The following SYT16 variants were observed in gnomAD, a reference collection of about 807,000 sequenced individuals.
The protein encoded by SYT16 is synaptotagmin 16.
Under a neutral mutation model 61.4 loss-of-function variants are expected in SYT16, and 42 were observed. The ratio of observed to expected loss-of-function variants is 0.68; its 90% CI spans 0.53 to 0.89. SYT16 has a LOEUF of 0.89. Ranked by LOEUF, SYT16 falls within the 40% of genes least tolerant of loss-of-function variation. The pLI is 0.00. For synonymous variants in SYT16, 314 were observed against 302.3 expected (o/e 1.04, Z -0.40); for missense variants, 804 against 807.3 (o/e 1.00, Z 0.05).
intron 7 of SYT16, 80 bp downstream of exon 7, chr14:62,084,465 T>C: frequency 6.9e-7 from 1 of 1,441,832 alleles, no homozygotes; most frequent in Non-Finnish European, 9.3e-7. Context: ...CTTAGTTCTT[T>C]AATTTTTACC....
In SYT16 at chr14:61,900,638, C is replaced by T. The variant is rs570177220; in HGVS notation, c.-324-69494C>T. ...GAGGGCCTGCAGGAGAGAGAAGCAG[C>T]TCCGAAAGGGCAGGGATTAGGTAGC... is the stretch of plus-strand genomic sequence containing the variant. On this transcript the variant is annotated intron_variant, in intron 1 of 7. Coordinates refer to ENST00000683842, the MANE Select transcript of SYT16 (RefSeq NM_001367656.1). Among the ~76,000 whole-genome samples the T allele has an allele frequency of 9.2e-5, 14 of 152,214 alleles. No individual in the cohort carries two copies. The East Asian group carries it at 1.5e-3, about 17-fold the overall frequency.
intron 1 of SYT16, among the ~76,000 whole-genome samples, chr14:61,907,792 G>A (rs1277271302): frequency 1.3e-5 from 2 of 152,220 alleles, no homozygotes; most frequent in Non-Finnish European, 1.5e-5. Flanking sequence ...AAGGGTGTGA[G>A]CCCCAGGGGG....
At chr14:62,029,350 G>C (rs2140796426) in intron 3 of SYT16, among the ~76,000 whole-genome samples, 1 of 152,332 alleles carries the variant, frequency 6.6e-6, no homozygotes, top group East Asian at 1.9e-4. Context: ...AAAGGAGATA[G>C]AAAGAGCATC....
chr14:62,017,183 C>T (rs1159958429), intron 3 of SYT16, among the ~76,000 whole-genome samples: 1 of 152,166 alleles, frequency 6.6e-6, no homozygotes, highest in Non-Finnish European at 1.5e-5. Context: ...ATTAATAATT[C>T]TTTAGAGATC....
chr14:62,066,024 T>G (rs1437229864), intron 3 of SYT16, among the ~76,000 whole-genome samples: 1 of 152,236 alleles, frequency 6.6e-6, no homozygotes, highest in East Asian at 1.9e-4. Flanking sequence ...CTTATGTTCA[T>G]GGAGAAGCTG....
At chr14:62,008,880 A>T (rs1467328210) in intron 3 of SYT16, among the ~76,000 whole-genome samples, 1 of 152,060 alleles carries the variant, frequency 6.6e-6, no homozygotes. Context: ...ATGAACATTT[A>T]GTTTGTTTCT....
At chr14:61,937,618 A>G (rs773709117) in intron 1 of SYT16, among the ~76,000 whole-genome samples, 2 of 152,180 alleles carry the variant, frequency 1.3e-5, no homozygotes, top group Non-Finnish European at 2.9e-5. Context: ...AGGAAGCCCC[A>G]CTTGCCTTTC....
chr14:61,911,810 G>A lies in SYT16; in HGVS notation c.-324-58322G>A, dbSNP rs1041182022. Among the ~76,000 whole-genome samples the A allele has an allele frequency of 2.0e-5, 3 of 152,178 alleles. No homozygotes were observed. The South Asian group carries it at 6.2e-4, about 31-fold the overall frequency. ...TCCATTGAACTGGAAGCAAATTATG[G>A]TTGCCAAGGGAACCAGCTCCTCTGC... On this transcript the variant is annotated intron_variant, in intron 1 of 7. Coordinates refer to ENST00000683842, the MANE Select transcript of SYT16 (RefSeq NM_001367656.1).
In SYT16 at chr14:62,058,376, G is replaced by A. The variant is rs1011908906; in HGVS notation, c.524-11227G>A. 3.2e-5 allele frequency among the ~76,000 whole-genome samples: 4 copies of A among 126,686 alleles called. No individual in the cohort carries two copies. In the East Asian group the frequency reaches 9.2e-4, roughly 29 times the overall value. The allele number at this position is 126,686 out of a possible 152,430, so 83.1% of individuals were successfully genotyped here. A position where few individuals can be genotyped will look rare whatever the true frequency, so the allele number is the denominator to read the frequency against. On this transcript the variant is annotated intron_variant, in intron 3 of 7. Transcript: ENST00000683842. ...TTTTTTTTTTTTGAGAAGGAGTCTC[G>A]CTCTGTCACCCAGCTCTGTCACCCA...
At chr14:61,935,557 C>G (rs973828637) in intron 1 of SYT16, among the ~76,000 whole-genome samples, 3 of 152,200 alleles carry the variant, frequency 2.0e-5, no homozygotes, top group East Asian at 1.9e-4. Context: ...CTGATCTATA[C>G]CAGTGAGGGT....
intron 3 of SYT16, among the ~76,000 whole-genome samples, chr14:62,008,963 T>A (rs2053336275): frequency 6.6e-6 from 1 of 152,170 alleles, no homozygotes; most frequent in African/African-American, 2.4e-5. Context: ...TTTATTTAGA[T>A]GGTATGTATG....
At position 61,979,060 on chromosome 14, in the gene SYT16, G is replaced by A. The variant is rs185943672; in HGVS notation, c.-145+8749G>A. Among the ~76,000 whole-genome samples, 24 of 152,128 alleles carry A rather than the reference G, an allele frequency of 1.6e-4. No homozygotes were observed. In the East Asian group the frequency reaches 2.9e-3, roughly 18 times the overall value. On this transcript the variant is annotated intron_variant, in intron 2 of 7. Transcript: ENST00000683842. ...TCTTTCAGGATCCTCTTAATGATTT[G>A]GATAACATTCTGTTTTCCTTTTATG... is the stretch of plus-strand genomic sequence containing the variant.
chr14:62,084,367 G>A lies in SYT16; in HGVS notation c.1606G>A (p.Ala536Thr), dbSNP rs74675259. The A allele has an allele frequency of 9.3e-4, 1,504 of 1,612,056 alleles. 15 individuals carry two copies. The African/African-American group carries it at 0.017, about 18-fold the overall frequency. Residue 536 changes from alanine (A) to threonine (T), a missense_variant, in exon 7 of 8, where the codon GCT becomes ACT. Ala to Thr is a moderately conservative substitution (Grantham distance 58). Coordinates refer to ENST00000683842, the MANE Select transcript of SYT16 (RefSeq NM_001367656.1). ...CAAAGGCAGCCATTTCCGAAACCTC[G>A]CTGTTAACCGAGCACCTGGTAAGTG... ...MIKGSHFRNL[A>T]VNRAPDTYGK...
chr14:61,921,510 T>C (rs2049333845), intron 1 of SYT16, among the ~76,000 whole-genome samples: 1 of 152,180 alleles, frequency 6.6e-6, no homozygotes, highest in Non-Finnish European at 1.5e-5. Context: ...GGAGGCAGTG[T>C]TGATGTTTAA....
chr14:61,819,585 T>A (rs2045552369), intron 1 of SYT16, among the ~76,000 whole-genome samples: 1 of 152,230 alleles, frequency 6.6e-6, no homozygotes, highest in Non-Finnish European at 1.5e-5. Flanking sequence ...GAGCAAAGAT[T>A]AAGAGACATA....
intron 1 of SYT16, among the ~76,000 whole-genome samples, chr14:61,820,017 A>G (rs778930676): frequency 6.6e-6 from 1 of 152,160 alleles, no homozygotes; most frequent in Non-Finnish European, 1.5e-5. Flanking sequence ...GAACAATCTG[A>G]CTCAGAAACA....
intron 1 of SYT16, among the ~76,000 whole-genome samples, chr14:61,815,927 A>G (rs1454576120): frequency 4.6e-5 from 7 of 152,150 alleles, no homozygotes; most frequent in Non-Finnish European, 1.0e-4. Flanking sequence ...AAGTCACTTT[A>G]ATCTGTTTGT....
At chr14:62,018,298 CTTTTTTTTTTTT>C (rs776473522) in intron 3 of SYT16, among the ~76,000 whole-genome samples, 2 of 51,620 alleles carry the variant, frequency 3.9e-5, no homozygotes, top group African/African-American at 1.7e-4. Flanking sequence ...TCTTCTTCTT[CTTTTTTTTTTTT>C]TTTTTTTTTT....
chr14:61,906,762 C>T (rs2048732337), intron 1 of SYT16, among the ~76,000 whole-genome samples: 1 of 147,332 alleles, frequency 6.8e-6, no homozygotes, highest in African/African-American at 2.5e-5. Context: ...TCCGTCCGTC[C>T]GTCAATCCAT....
Sources: allele counts gnomAD v4.1 joint callset (sites outside exome capture counted in the v4.1 genomes callset), GRCh38; gene constraint gnomAD v4.1.1; transcripts MANE v1.5; gene names NCBI Gene and HGNC (gene_info 2026-07-23, HGNC 2026-07-21).